Variants in CPLANE1 observed in about 807,000 individuals in gnomAD.
The protein encoded by CPLANE1 is ciliogenesis and planar polarity effector 1.
A neutral mutation model predicts 362.5 loss-of-function variants in CPLANE1; 263 were observed. That is an observed-to-expected ratio of 0.73 (90% CI 0.66 to 0.80). CPLANE1 has a LOEUF of 0.80. CPLANE1 is among the 30% of genes least tolerant of loss of function. CPLANE1 has a pLI of 0.00. For missense variants in CPLANE1, 3,461 were observed against 3,793.4 expected (o/e 0.91, Z 2.30); for synonymous variants, 1,212 against 1,302.6 (o/e 0.93, Z 1.50).
Position 37,226,291 on chromosome 5 carries a change from T to A in CPLANE1, c.2291+13A>T. The A allele has an allele frequency of 6.9e-7, 1 of 1,451,754 alleles. No homozygotes were observed. The highest frequency in any genetic ancestry group is 9.1e-7 in the Non-Finnish European group (1 of 1,101,954). 89.9% of individuals were successfully genotyped at this position (1,451,754 alleles called of 1,614,324 possible). On this transcript the variant is annotated intron_variant, in intron 12 of 52. Coordinates refer to ENST00000651892, the MANE Select transcript of CPLANE1 (RefSeq NM_001384732.1). Reference sequence around the variant, plus strand: ...AGCTAATAGTATCCCAGTATTAAAATAAGTGATTATACCTGTGTCCTGGCT... The same window carrying A: ...AGCTAATAGTATCCCAGTATTAAAAAAAGTGATTATACCTGTGTCCTGGCT...
At chr5:37,188,984 G>A (rs1292363607) in intron 21 of CPLANE1, among the ~76,000 whole-genome samples, 1 of 151,976 alleles carries the variant, frequency 6.6e-6, no homozygotes, top group Non-Finnish European at 1.5e-5. Context: ...CAAGTACCTG[G>A]GACTACAAGC....
chr5:37,189,729 T>G (rs533141588), intron 21 of CPLANE1, among the ~76,000 whole-genome samples: 1 of 152,192 alleles, frequency 6.6e-6, no homozygotes, highest in Non-Finnish European at 1.5e-5. Context: ...CCGGGCACAG[T>G]GGCTCATGCC....
At chr5:37,192,489 A>AT (rs1453521467) in intron 21 of CPLANE1, among the ~76,000 whole-genome samples, 1 of 152,194 alleles carries the variant, frequency 6.6e-6, no homozygotes, top group African/African-American at 2.4e-5. Context: ...TAGCCCCATC[A>AT]TTAAGCAGGC....
intron 33 of CPLANE1, 89 bp downstream of exon 33, chr5:37,169,952 C>T: frequency 7.5e-7 from 1 of 1,330,162 alleles, no homozygotes; most frequent in South Asian, 1.4e-5. Flanking sequence ...GTCTCGAACT[C>T]CCAACCTCAG....
At chr5:37,082,828 A>G in the CPLANE1 span, among the ~76,000 whole-genome samples, 1 of 152,144 alleles carries the variant, frequency 6.6e-6, no homozygotes, top group Non-Finnish European at 1.5e-5. Context: ...ACATTAAGTC[A>G]AAAACTTTAA....
At chr5:37,163,861 A>G (rs2150834343) in intron 37 of CPLANE1, among the ~76,000 whole-genome samples, 1 of 152,282 alleles carries the variant, frequency 6.6e-6, no homozygotes, top group African/African-American at 2.4e-5. Flanking sequence ...AAGGGGCTGG[A>G]GATTGAGCTC....
chr5:37,192,511 T>C (rs1785825279), intron 21 of CPLANE1, among the ~76,000 whole-genome samples: 1 of 152,134 alleles, frequency 6.6e-6, no homozygotes, highest in Admixed American at 6.6e-5. Context: ...TGACTATATA[T>C]GATATTAAAG....
At chr5:37,092,985 G>A in the CPLANE1 span, among the ~76,000 whole-genome samples, 1 of 152,084 alleles carries the variant, frequency 6.6e-6, no homozygotes, top group Non-Finnish European at 1.5e-5. Flanking sequence ...TAGTGTCATG[G>A]TACTAAGGAG....
Position 37,125,357 on chromosome 5 carries a change from C to T in CPLANE1, c.8845G>A (p.Glu2949Lys). The change falls in exon 47 of 53, where the codon GAG becomes AAG. Residue 2949 changes from glutamate to lysine, a missense_variant. Transcript: ENST00000651892. ...TTTCTTTTCATCCAGGCTTGAATCT[C>T]TCTTCTTTCCTTGTCAGTTCTTTGT... ...HSQRTDKERR[E>K]IQAWMKRKRK... 3 of 1,613,818 alleles carry T rather than the reference C, an allele frequency of 1.9e-6. No homozygotes were observed. Among genetic ancestry groups the T allele is most frequent in the Non-Finnish European group, 2.5e-6 (3 of 1,179,922 alleles).
chr5:37,194,809 C>T (rs1422994269), intron 21 of CPLANE1, among the ~76,000 whole-genome samples: 4 of 151,948 alleles, frequency 2.6e-5, no homozygotes, highest in African/African-American at 9.7e-5. Flanking sequence ...CCTGGGATTA[C>T]ACCACTGTGC....
At chr5:37,227,131 A>G in intron 11 of CPLANE1, 58 bp from the exon 12 acceptor site, 1 of 1,502,926 alleles carries the variant, frequency 6.7e-7, no homozygotes, top group Non-Finnish European at 8.9e-7. Context: ...TATCAATAGC[A>G]TCACTTTGGC....
At chr5:37,170,631 G>A (rs1380870990) in intron 32 of CPLANE1, among the ~76,000 whole-genome samples, 8 of 152,072 alleles carry the variant, frequency 5.3e-5, no homozygotes, top group Non-Finnish European at 2.9e-5. Context: ...TCAAAGGAGT[G>A]GGATAAAGAC....
chr5:37,182,775 T>TCA lies in CPLANE1; in HGVS notation c.5405_5406insTG (p.Lys1802AsnfsTer9). ...ATATGCTTACCTTAATAATGGCATT[T>TCA]TTTGCCTTATATGTAGCAAAATAGG... On this transcript the variant is annotated frameshift_variant, in exon 26 of 53. Transcript: ENST00000651892. 6.2e-7 allele frequency: 1 copy of TCA among 1,606,716 alleles called. No homozygotes were observed. Among genetic ancestry groups the TCA allele is most frequent in the Non-Finnish European group, 8.5e-7 (1 of 1,176,368 alleles).
In CPLANE1 at chr5:37,157,808, G is replaced by A. The variant is rs780364860; in HGVS notation, c.7873C>T (p.Pro2625Ser). The change falls in exon 40 of 53, where the codon CCT becomes TCT. Residue 2625 changes from proline (P) to serine (S), a missense_variant. Physicochemically the swap from Pro to Ser is moderately conservative, Grantham distance 74 (BLOSUM62 -1). Coordinates refer to ENST00000651892, the MANE Select transcript of CPLANE1 (RefSeq NM_001384732.1). ...IEANDLLQEL[P>S]VREEPSNDNV... is the part of the protein sequence containing the mutation. The stretch of plus-strand genomic sequence containing the variant: ...TCATTTGAAGGCTCTTCTCTCACAG[G>A]TAATTCCTGTAGAAGATCATTAGCT... 6.2e-7 allele frequency: 1 copy of A among 1,613,328 alleles called. No individual in the cohort carries two copies. The highest frequency in any genetic ancestry group is 1.1e-5 in the South Asian group (1 of 91,028).
rs1170679998 is a variant in CPLANE1, at chr5:37,225,272, T to A, written c.2292-532A>T. On this transcript the variant is annotated intron_variant, in intron 12 of 52. Transcript: ENST00000651892. ...GCACCACACTGTTTTTTTTTTCTTT[T>A]CAGGCAAGGTCTCCTCCTGTCGCCC... Among the ~76,000 whole-genome samples, 4 of 151,954 alleles carry A rather than the reference T, an allele frequency of 2.6e-5. No homozygotes were observed. The East Asian group carries it at 5.8e-4, about 22-fold the overall frequency.
chr5:37,177,481 A>G (rs983952289), intron 30 of CPLANE1, 140 bp downstream of exon 30: 2 of 651,028 alleles, frequency 3.1e-6, no homozygotes, highest in Non-Finnish European at 2.7e-6. Context: ...TCATTTTACC[A>G]TAACTATAAA....
intron 2 of CPLANE1, among the ~76,000 whole-genome samples, chr5:37,246,830 C>T (rs1304074874): frequency 6.6e-6 from 1 of 152,110 alleles, no homozygotes; most frequent in Non-Finnish European, 1.5e-5. Flanking sequence ...ATCGCTTGAA[C>T]CTGGGAGGCT....
At chr5:37,161,781 G>T (rs923582343) in intron 38 of CPLANE1, among the ~76,000 whole-genome samples, 2 of 152,202 alleles carry the variant, frequency 1.3e-5, no homozygotes, top group African/African-American at 4.8e-5. Context: ...TTATTGCTAA[G>T]TGGTGTGATT....
intron 16 of CPLANE1, chr5:37,211,477 G>A: frequency 7.2e-7 from 1 of 1,397,444 alleles, no homozygotes; most frequent in Non-Finnish European, 9.8e-7. Context: ...CCTCAAGTGG[G>A]CACACTTAAA....
Sources: allele counts gnomAD v4.1 joint callset (sites outside exome capture counted in the v4.1 genomes callset), GRCh38; gene constraint gnomAD v4.1.1; transcripts MANE v1.5; gene names NCBI Gene and HGNC (gene_info 2026-07-23, HGNC 2026-07-21).